The following TET3 variants were observed in gnomAD, a reference collection of about 807,000 sequenced individuals.
The protein encoded by TET3 is tet methylcytosine dioxygenase 3, also known as methylcytosine dioxygenase TET3.
A neutral mutation model predicts 141.4 loss-of-function variants in TET3; 19 were observed. The observed-to-expected ratio is 0.13, with a 90% CI of 0.09 to 0.20. TET3 has a LOEUF of 0.20. TET3 is among the 10% of genes least tolerant of loss of function. The probability of loss-of-function intolerance (pLI) is 1.00; values close to 1 mark genes in which losing one functional copy is unlikely to be tolerated. For missense variants in TET3, 1,874 were observed against 2,356.9 expected, an observed-to-expected ratio of 0.80 and a Z score of 4.24; for synonymous variants, 1,043 against 980.9, an observed-to-expected ratio of 1.06 and a Z score of -1.18.
the TET3 span, among the ~76,000 whole-genome samples, chr2:74,129,351 G>A: frequency 4.0e-5 from 5 of 123,490 alleles, no homozygotes; most frequent in Non-Finnish European, 7.3e-5. Flanking sequence ...AAAAAAACCC[G>A]GCCGGGCACA....
chr2:74,056,135 C>G lies in TET3; in HGVS notation c.2494+7724C>G, dbSNP rs151270162. ...TGTACATTAATTGTATACTGTCTCT[C>G]TGTACTAATGTCATAAAAAAGAAAT... On this transcript the variant is annotated intron_variant, in intron 4 of 11. Transcript: ENST00000409262. Among the ~76,000 whole-genome samples the G allele has an allele frequency of 6.6e-3, 998 of 152,304 alleles. 6 individuals carry two copies. The highest frequency in any genetic ancestry group is 0.012 in the Admixed American group (185 of 15,304).
chr2:74,057,836 T>C (rs913316247), intron 4 of TET3, among the ~76,000 whole-genome samples: 2 of 152,214 alleles, frequency 1.3e-5, no homozygotes, highest in African/African-American at 4.8e-5. Context: ...CCATTCAAAT[T>C]CTGTAGGAAA....
intron 3 of TET3, among the ~76,000 whole-genome samples, chr2:74,022,848 C>T (rs1686128727): frequency 6.6e-6 from 1 of 151,978 alleles, no homozygotes; most frequent in South Asian, 2.1e-4. Context: ...ATGATCTTGG[C>T]TCACCGCAAC....
At chr2:74,072,158 T>C (rs940634453) in intron 4 of TET3, among the ~76,000 whole-genome samples, 1 of 152,242 alleles carries the variant, frequency 6.6e-6, no homozygotes, top group Admixed American at 6.5e-5. Flanking sequence ...TTACCTATTC[T>C]GAGTATTTCA....
rs1691335123 is a variant in TET3, at chr2:74,103,337, G to A, written c.*1161G>A. 6.6e-6 allele frequency: 1 copy of A among 152,450 alleles called. No individual in the cohort carries two copies. The highest frequency in any genetic ancestry group is 2.1e-4 in the South Asian group (1 of 4,832). 9.4% of individuals were successfully genotyped at this position (152,450 alleles called of 1,614,324 possible). ...CTTGGGCAGGTCACATCCTACAGGA[G>A]CTCAGCAGACCAGTGTAACAACAGT... is the stretch of plus-strand genomic sequence containing the variant. On this transcript the variant is annotated 3_prime_UTR_variant, in exon 12 of 12. Transcript: ENST00000409262.
intron 3 of TET3, among the ~76,000 whole-genome samples, chr2:74,029,554 T>C (rs552817014): frequency 3.5e-4 from 54 of 152,344 alleles, no homozygotes; most frequent in African/African-American, 1.3e-3. Context: ...AAAAAACCAC[T>C]GATATACTCA....
intron 4 of TET3, among the ~76,000 whole-genome samples, chr2:74,060,165 C>G (rs1688426865): frequency 6.6e-6 from 1 of 152,230 alleles, no homozygotes; most frequent in African/African-American, 2.4e-5. Flanking sequence ...ATGGTGCCAT[C>G]CAGTCTTTGC....
At chr2:74,127,091 G>C in the TET3 span, among the ~76,000 whole-genome samples, 1 of 151,958 alleles carries the variant, frequency 6.6e-6, no homozygotes, top group Non-Finnish European at 1.5e-5. Context: ...CTGAGACTTA[G>C]TTTTAGGTAG....
At chr2:74,084,674 C>T (rs1317783380) in intron 6 of TET3, among the ~76,000 whole-genome samples, 6 of 152,126 alleles carry the variant, frequency 3.9e-5, no homozygotes, top group Admixed American at 1.3e-4. Flanking sequence ...AGGATGGTCT[C>T]GATCTCCTGA....
chr2:74,018,018 A>G (rs1558715969), intron 3 of TET3, among the ~76,000 whole-genome samples: 1 of 130,026 alleles, frequency 7.7e-6, no homozygotes, highest in Admixed American at 9.8e-5. Context: ...CCCAGGCTGC[A>G]GTGCAGTAGC....
At chr2:74,001,921 G>GGAGAACCCATT (rs1684867082) in intron 2 of TET3, among the ~76,000 whole-genome samples, 1 of 152,072 alleles carries the variant, frequency 6.6e-6, no homozygotes. Flanking sequence ...GTGGGGTGTT[G>GGAGAACCCATT]GTGGGGAGGC....
intron 3 of TET3, among the ~76,000 whole-genome samples, chr2:74,031,717 C>T (rs1168864172): frequency 6.6e-6 from 1 of 152,130 alleles, no homozygotes; most frequent in East Asian, 1.9e-4. Context: ...AATTAATTTT[C>T]CTCTAGATTT....
intron 4 of TET3, among the ~76,000 whole-genome samples, chr2:74,066,145 T>C: frequency 6.6e-6 from 1 of 152,198 alleles, no homozygotes; most frequent in South Asian, 2.1e-4. Context: ...TCATTGCTCT[T>C]ATGTTTCTCC....
rs1217488419 is a variant in TET3, at chr2:74,046,538, C to T, written c.621C>T (p.Ala207=). The part of the protein sequence containing the change: ...AHDLVAFSAV[A]EAVSSYGALS... ...ATCTGGTGGCCTTTTCGGCTGTGGC[C>T]GAAGCTGTGTCCTCTTATGGGGCCC... Residue 207 remains alanine (A), a synonymous_variant, in exon 4 of 12, where the codon GCC becomes GCT. Coordinates refer to ENST00000409262, the MANE Select transcript of TET3 (RefSeq NM_001287491.2). This position sits in a 1 kb window ranked among gnomAD's most constrained non-coding sequence, Gnocchi z 4.3. The T allele has an allele frequency of 2.5e-6, 4 of 1,613,984 alleles. No individual in the cohort carries two copies. The highest frequency in any genetic ancestry group is 1.7e-5 in the Admixed American group (1 of 60,020).
chr2:74,103,823 CAG>C lies in TET3; in HGVS notation c.*1650_*1651del, dbSNP rs1691362477. On this transcript the variant is annotated 3_prime_UTR_variant, in exon 12 of 12. Coordinates refer to ENST00000409262, the MANE Select transcript of TET3 (RefSeq NM_001287491.2). ...GAATGGGGGGCTTCATCAGGACACACAGAGGGGAATGTGGCCACACGGTGGAT... is the reference window on the plus strand; with the variant it reads ...GAATGGGGGGCTTCATCAGGACACACAGGGGAATGTGGCCACACGGTGGAT... 1 of 153,718 alleles carries C rather than the reference CAG, an allele frequency of 6.5e-6. No individual in the cohort carries two copies. The highest frequency in any genetic ancestry group is 1.5e-5 in the Non-Finnish European group (1 of 68,056). The allele number at this position is 153,718 out of a possible 1,614,324, so 9.5% of individuals were successfully genotyped here. A position where few individuals can be genotyped will look rare whatever the true frequency, so the allele number is the denominator to read the frequency against.
chr2:74,075,015 C>T (rs957939312), intron 5 of TET3, among the ~76,000 whole-genome samples: 18 of 152,050 alleles, frequency 1.2e-4, no homozygotes, highest in Non-Finnish European at 1.5e-4. Context: ...GGACTACAGG[C>T]GCCTGCCACC....
chr2:74,007,913 A>G (rs1573672982), intron 3 of TET3, among the ~76,000 whole-genome samples: 1 of 152,186 alleles, frequency 6.6e-6, no homozygotes, highest in Non-Finnish European at 1.5e-5. Context: ...GTGGCTCAGC[A>G]CCATCCAAAG....
rs768310475 is a variant in TET3, at chr2:74,100,766, C to CAGACTG, written c.3980_3981insACTGAG (p.Asn1326_Ser1327insArgLeu). ...AGCCAGACCTCCACGCTCTGCACAACAGCCTGAGCCCGGCCTACGGTGGTG... is the reference window on the plus strand; with the variant it reads ...AGCCAGACCTCCACGCTCTGCACAACAGACTGAGCCTGAGCCCGGCCTACGGTGGTG... On this transcript the variant is annotated inframe_insertion, in exon 12 of 12. Coordinates refer to ENST00000409262, the MANE Select transcript of TET3 (RefSeq NM_001287491.2). 1.9e-4 allele frequency: 302 copies of CAGACTG among 1,613,560 alleles called. No homozygotes were observed. The highest frequency in any genetic ancestry group is 2.5e-4 in the Non-Finnish European group (290 of 1,179,752).
intron 6 of TET3, among the ~76,000 whole-genome samples, chr2:74,085,093 TA>T (rs1223189293): frequency 1.3e-5 from 2 of 151,178 alleles, no homozygotes; most frequent in Non-Finnish European, 2.9e-5. Context: ...CTAATGCCAC[TA>T]AACGGTGTAC....
Sources: allele counts gnomAD v4.1 joint callset (sites outside exome capture counted in the v4.1 genomes callset), GRCh38; gene constraint gnomAD v4.1.1; non-coding constraint Gnocchi (gnomAD v3.1); transcripts MANE v1.5; gene names NCBI Gene and HGNC (gene_info 2026-07-23, HGNC 2026-07-21).